The following LARP1B variants were observed in gnomAD, a reference collection of about 807,000 sequenced individuals.
LARP1B encodes la-related protein 1B.
In LARP1B, 76 loss-of-function variants were observed where a neutral mutation model predicts 114.2. The ratio of observed to expected loss-of-function variants is 0.67; its 90% confidence interval spans 0.55 to 0.81. The LOEUF (loss-of-function observed/expected upper bound fraction) is 0.81, where lower values mean the gene tolerates loss of function less well. LARP1B is among the 30% of genes least tolerant of loss of function. The probability of loss-of-function intolerance (pLI) is 0.00; values close to 1 mark genes in which losing one functional copy is unlikely to be tolerated. For synonymous variants in LARP1B, 345 were observed against 348.0 expected (o/e 0.99, Z 0.10); for missense variants, 1,014 against 1,075.8 (o/e 0.94, Z 0.80).
In LARP1B at chr4:128,114,966, C is replaced by T. The variant is rs1435385639; in HGVS notation, c.1161+224C>T. 2.0e-5 allele frequency among the ~76,000 whole-genome samples: 3 copies of T among 151,398 alleles called. No individual in the cohort carries two copies. The East Asian group carries it at 5.8e-4, about 29-fold the overall frequency. ...TATTTTTTTTTTTTTGAGATGGAGT[C>T]TTGCCCTATTGCCCAGGCTGGAGTG... is the stretch of plus-strand genomic sequence containing the variant. On this transcript the variant is annotated intron_variant, in intron 10 of 19. Transcript: ENST00000326639.
In LARP1B at chr4:128,072,505, A is replaced by G. The variant is rs970318572; in HGVS notation, c.-77-1955A>G. ...GATTTCCTCCATGTTAAAACATGAG[A>G]AAATGAAAAATTTCCTTTCTTAGGC... On this transcript the variant is annotated intron_variant, in intron 1 of 19. Transcript: ENST00000326639. 1.8e-4 allele frequency among the ~76,000 whole-genome samples: 27 copies of G among 152,126 alleles called. 1 individual carries two copies. The highest frequency in any genetic ancestry group is 6.3e-4 in the African/African-American group (26 of 41,430).
At chr4:128,074,902 T>G in intron 2 of LARP1B, 32 bp from the exon 3 acceptor site, 1 of 1,458,242 alleles carries the variant, frequency 6.9e-7, no homozygotes, top group East Asian at 2.3e-5. Flanking sequence ...TAAAAGTAAT[T>G]TCAGACCTAA....
intron 11 of LARP1B, among the ~76,000 whole-genome samples, chr4:128,158,699 A>T (rs1462325032): frequency 6.6e-6 from 1 of 152,222 alleles, no homozygotes; most frequent in Non-Finnish European, 1.5e-5. Flanking sequence ...TTAAAGCTGC[A>T]GTGAGATAAC....
chr4:128,214,174 T>G (rs931976301), downstream of LARP1B, among the ~76,000 whole-genome samples: 1 of 136,154 alleles, frequency 7.3e-6, no homozygotes, highest in Non-Finnish European at 1.6e-5. Context: ...TCTCGCTGAT[T>G]GCTAGCACAG....
At chr4:128,155,932 T>G (rs572871123) in intron 11 of LARP1B, 13 of 1,537,538 alleles carry the variant, frequency 8.5e-6, no homozygotes, top group Non-Finnish European at 4.5e-6. Flanking sequence ...CAAGGAGGGG[T>G]ACACAGGCGG....
At chr4:128,161,175 G>A (rs1330777726) in intron 11 of LARP1B, among the ~76,000 whole-genome samples, 1 of 152,098 alleles carries the variant, frequency 6.6e-6, no homozygotes, top group East Asian at 1.9e-4. Flanking sequence ...CACAGTTTAG[G>A]CCAGACATAG....
Position 128,207,594 on chromosome 4 carries a change from A to G in LARP1B, c.2547+211A>G, listed in dbSNP as rs76510675. ...AAATGTTAACATCTTGTATAACCAC[A>G]GTGCAATTGTTAATTCAATTTAATT... On this transcript the variant is annotated intron_variant, in intron 19 of 19. Transcript: ENST00000326639. 1.3e-3 allele frequency among the ~76,000 whole-genome samples: 197 copies of G among 152,382 alleles called. 5 individuals carry two copies. In the East Asian group the frequency reaches 0.028, roughly 22 times the overall value.
At chr4:128,205,347 T>C (rs1181448653) in intron 17 of LARP1B, among the ~76,000 whole-genome samples, 2 of 152,178 alleles carry the variant, frequency 1.3e-5, no homozygotes, top group Non-Finnish European at 2.9e-5. Flanking sequence ...AGTGTTTTAA[T>C]TGTGGTATCT....
intron 8 of LARP1B, 29 bp from the exon 9 acceptor site, chr4:128,107,110 A>G: frequency 6.3e-7 from 1 of 1,586,974 alleles, no homozygotes; most frequent in South Asian, 1.1e-5. Context: ...AATAGCTCAT[A>G]ATTTTAATAG....
Position 128,179,435 on chromosome 4 carries a change from C to T in LARP1B, c.1926C>T (p.Ser642=). The change falls in exon 15 of 20, where the codon AGC becomes AGT. Residue 642 remains serine, a synonymous_variant. Transcript: ENST00000326639. Reference sequence around the variant, plus strand: ...CAAGAAAGAGAAAAACAAGGCATAGCACAAATCCCCCTCTAGAGTGTCATG... The same window carrying T: ...CAAGAAAGAGAAAAACAAGGCATAGTACAAATCCCCCTCTAGAGTGTCATG... ...KSPRKRKTRH[S]TNPPLECHVG... is the part of the protein sequence containing the mutation. 1 of 1,610,082 alleles carries T rather than the reference C, an allele frequency of 6.2e-7. No individual in the cohort carries two copies. Among genetic ancestry groups the T allele is most frequent in the African/African-American group, 1.3e-5 (1 of 74,878 alleles).
chr4:128,206,458 T>C lies in LARP1B; in HGVS notation c.2340T>C (p.Tyr780=). ...RYGLECLFRF[Y]SYGLEKKFRR... The stretch of plus-strand genomic sequence containing the variant: ...GGTTAGAATGTCTGTTCAGGTTTTA[T>C]AGTTATGGACTGGAAAAAAAATTCA... The change falls in exon 18 of 20, where the codon TAT becomes TAC. Residue 780 remains tyrosine, a synonymous_variant. Coordinates refer to ENST00000326639, the MANE Select transcript of LARP1B (RefSeq NM_018078.4). 6.2e-7 allele frequency: 1 copy of C among 1,611,438 alleles called. No homozygotes were observed. Among genetic ancestry groups the C allele is most frequent in the Non-Finnish European group, 8.5e-7 (1 of 1,179,042 alleles).
chr4:128,196,826 T>C (rs1040716693), intron 15 of LARP1B, among the ~76,000 whole-genome samples: 20 of 146,870 alleles, frequency 1.4e-4, no homozygotes, highest in Non-Finnish European at 2.7e-4. Context: ...AACAAATGAT[T>C]AGATAAACAC....
intron 1 of LARP1B, chr4:128,061,858 C>G: frequency 8.1e-6 from 8 of 985,110 alleles, no homozygotes; most frequent in Non-Finnish European, 9.6e-6. Flanking sequence ...GGGCCGCGGC[C>G]GCCACTAGCG....
Position 128,221,353 on chromosome 4 carries a change from G to A in LARP1B, n.934+913G>A, listed in dbSNP as rs181833392. On this transcript the variant is annotated intron_variant and non_coding_transcript_variant, in intron 7 of 7. Coordinates refer to the LARP1B transcript ENST00000503725. ...GACAACTGAAGATTCTGAACTGTTC[G>A]GCTTGAAGGAAATATCCCACAAGGT... Among the ~76,000 whole-genome samples, 414 of 152,198 alleles carry A rather than the reference G, an allele frequency of 2.7e-3. 4 individuals carry two copies. The highest frequency in any genetic ancestry group is 1.0e-3 in the South Asian group (5 of 4,826).
intron 5 of LARP1B, among the ~76,000 whole-genome samples, chr4:128,087,168 C>T (rs1454863067): frequency 2.6e-5 from 4 of 151,900 alleles, no homozygotes; most frequent in African/African-American, 9.7e-5. Flanking sequence ...TGATCTGCCT[C>T]CCTTGGCCTC....
chr4:128,096,599 TC>T (rs1280338577), intron 7 of LARP1B, among the ~76,000 whole-genome samples: 7 of 151,510 alleles, frequency 4.6e-5, no homozygotes, highest in African/African-American at 1.7e-4. Context: ...TTAATGTCTT[TC>T]TTTTTTTTTT....
chr4:128,213,944 G>T (rs1422354891), downstream of LARP1B, among the ~76,000 whole-genome samples: 1 of 151,882 alleles, frequency 6.6e-6, no homozygotes, highest in Non-Finnish European at 1.5e-5. Context: ...CAGTGTGTGC[G>T]TGCACCGTGC....
intron 7 of LARP1B, chr4:128,220,553 AC>A (rs1329655799): frequency 6.4e-6 from 1 of 157,044 alleles, no homozygotes. Flanking sequence ...ACAACTCGTT[AC>A]GTGGTTAGGC....
rs1759634093 is a variant in LARP1B, at chr4:128,217,795, G to A, written n.849-2560G>A. Among the ~76,000 whole-genome samples the A allele has an allele frequency of 4.3e-5, 6 of 138,878 alleles. No homozygotes were observed. The South Asian group carries it at 1.5e-3, about 35-fold the overall frequency. 91.1% of individuals were successfully genotyped at this position (138,878 alleles called of 152,430 possible). On this transcript the variant is annotated intron_variant and non_coding_transcript_variant, in intron 6 of 7. Coordinates refer to the LARP1B transcript ENST00000503725. ...CATAGTGTTGGAAGTTCTGGCCAGG[G>A]CAATCAGGCAGGAGAAGGAAATAAA...
Sources: gnomAD v4.1 joint callset for allele counts (sites outside exome capture counted in the v4.1 genomes callset) on GRCh38, gnomAD v4.1.1 for gene constraint, MANE v1.5 for transcripts, NCBI Gene and HGNC (gene_info 2026-07-23, HGNC 2026-07-21) for gene names.